Variants in TMEM132D observed in about 807,000 individuals in gnomAD.
The protein encoded by TMEM132D is mature OL transmembrane protein.
TMEM132D carries 21 observed loss-of-function variants against 62.3 expected under a neutral mutation model. The observed-to-expected ratio is 0.34, with a 90% CI of 0.24 to 0.49. The LOEUF is 0.49. TMEM132D is among the 20% of genes least tolerant of loss of function. The pLI is 0.99. For synonymous variants in TMEM132D, 621 were observed against 575.6 expected (o/e 1.08, Z -1.13); for missense variants, 1,346 against 1,402.8 (o/e 0.96, Z 0.65).
At chr12:129,841,136 C>T (rs2137344076) in intron 1 of TMEM132D, among the ~76,000 whole-genome samples, 1 of 152,302 alleles carries the variant, frequency 6.6e-6, no homozygotes, top group East Asian at 1.9e-4. Context: ...CTATATCTGA[C>T]ATGTGCGCAC....
chr12:129,348,088 C>CA (rs541462308), intron 3 of TMEM132D, among the ~76,000 whole-genome samples: 146 of 152,308 alleles, frequency 9.6e-4, no homozygotes, highest in South Asian at 7.0e-3. Flanking sequence ...GAAATAGGCA[C>CA]ACTTTTACAC....
chr12:129,261,658 A>T (rs1880552792), intron 4 of TMEM132D, among the ~76,000 whole-genome samples: 1 of 152,110 alleles, frequency 6.6e-6, no homozygotes, highest in Non-Finnish European at 1.5e-5. Context: ...AGGTGCTATC[A>T]GTGTTTCTTT....
intron 2 of TMEM132D, among the ~76,000 whole-genome samples, chr12:129,585,817 G>GCA (rs950656565): frequency 3.4e-5 from 5 of 148,902 alleles, no homozygotes; most frequent in South Asian, 2.2e-4. Context: ...ATGCATGCAT[G>GCA]TGTGTGTGTG....
Position 129,700,696 on chromosome 12 carries a change from T to C in TMEM132D, c.82A>G (p.Thr28Ala), listed in dbSNP as rs2137228099. Residue 28 changes from threonine to alanine, a missense_variant and splice_region_variant, in exon 2 of 9, where the codon ACG (threonine) becomes GCG (alanine). By Grantham distance (58) the Thr-to-Ala change is moderately conservative (BLOSUM62 0). Transcript: ENST00000422113. ...CTCTCAAGGATCCCTCGACCTTCCGTCACTGTGGGGAGGGAATCGCAGTGC... is the reference window on the plus strand; with the variant it reads ...CTCTCAAGGATCCCTCGACCTTCCGCCACTGTGGGGAGGGAATCGCAGTGC... Reference protein sequence around the residue: ...ISLAALFSKVTEGRGILESIQ... With the variant: ...ISLAALFSKVAEGRGILESIQ... The C allele has an allele frequency of 6.2e-7, 1 of 1,605,474 alleles. No homozygotes were observed. Among genetic ancestry groups the C allele is most frequent in the Non-Finnish European group, 8.5e-7 (1 of 1,175,772 alleles).
rs778332204 is a variant in TMEM132D at position 129,639,422 on chromosome 12, T to C, written c.968+60388A>G. Among the ~76,000 whole-genome samples, 2 of 148,848 alleles carry C rather than the reference T, an allele frequency of 1.3e-5. 1 individual carries two copies. Among genetic ancestry groups the C allele is most frequent in the South Asian group, 4.3e-4 (2 of 4,638 alleles). ...AAAAAAAAAAGTCAGGAAACATTTA[T>C]ATCAAATTTCAGTATGTGCATGAAC... On this transcript the variant is annotated intron_variant, in intron 2 of 8. Coordinates refer to ENST00000422113, the MANE Select transcript of TMEM132D (RefSeq NM_133448.3).
At chr12:129,901,864 C>G (rs1024007148) in intron 1 of TMEM132D, among the ~76,000 whole-genome samples, 1 of 142,208 alleles carries the variant, frequency 7.0e-6, no homozygotes, top group African/African-American at 2.7e-5. Flanking sequence ...AGAACCAACC[C>G]CCCCCGCCCC....
intron 3 of TMEM132D, among the ~76,000 whole-genome samples, chr12:129,397,524 G>A (rs911744517): frequency 7.2e-5 from 11 of 152,080 alleles, no homozygotes; most frequent in African/African-American, 2.7e-4. Flanking sequence ...TCTCTTTTGG[G>A]TCCAGATGAT....
intron 1 of TMEM132D, among the ~76,000 whole-genome samples, chr12:129,781,080 C>G (rs1046404106): frequency 6.6e-6 from 1 of 152,166 alleles, no homozygotes. Flanking sequence ...AGGAGTTATG[C>G]CATCAAAAGC....
At chr12:129,830,707 G>C (rs769501771) in intron 1 of TMEM132D, among the ~76,000 whole-genome samples, 3 of 151,946 alleles carry the variant, frequency 2.0e-5, no homozygotes, top group Non-Finnish European at 4.4e-5. Flanking sequence ...CTTAACTTTG[G>C]GAGATAAACC....
chr12:129,330,129 A>T (rs768875716), intron 4 of TMEM132D, among the ~76,000 whole-genome samples: 1 of 152,168 alleles, frequency 6.6e-6, no homozygotes, highest in Non-Finnish European at 1.5e-5. Context: ...TAACGATTAC[A>T]TGATTGTAAT....
intron 1 of TMEM132D, among the ~76,000 whole-genome samples, chr12:129,886,775 G>C (rs114918571): frequency 7.2e-4 from 109 of 152,230 alleles, no homozygotes; most frequent in Non-Finnish European, 1.3e-3. Flanking sequence ...TCGTGGAAGG[G>C]ACCCGGTGGG....
chr12:129,870,720 A>C (rs1874213757), intron 1 of TMEM132D, among the ~76,000 whole-genome samples: 1 of 152,192 alleles, frequency 6.6e-6, no homozygotes, highest in Admixed American at 6.5e-5. Flanking sequence ...TAGGAACCCC[A>C]AAATGTGTAG....
intron 1 of TMEM132D, among the ~76,000 whole-genome samples, chr12:129,858,615 A>G (rs1593189054): frequency 2.9e-5 from 1 of 34,990 alleles, no homozygotes; most frequent in Non-Finnish European, 6.0e-5. Context: ...CCCTTGTAAC[A>G]GAGTCCTGGG....
Position 129,074,299 on chromosome 12 carries a change from C to T in TMEM132D, c.2876G>A (p.Ser959Asn). 1 of 1,614,138 alleles carries T rather than the reference C, an allele frequency of 6.2e-7. No individual in the cohort carries two copies. Among genetic ancestry groups the T allele is most frequent in the South Asian group, 1.1e-5 (1 of 91,078 alleles). ...TAACCCAACCCAGTCATGAGAGTGACTCATCCCTTCCTGCTCCTCGAAGGG... is the reference window on the plus strand; with the variant it reads ...TAACCCAACCCAGTCATGAGAGTGATTCATCCCTTCCTGCTCCTCGAAGGG... ...QVPFEEQEGM[S>N]HSHDWVGLSN... The change falls in exon 9 of 9, where the codon AGT becomes AAT. Residue 959 changes from serine to asparagine, a missense_variant. Transcript: ENST00000422113.
intron 1 of TMEM132D, among the ~76,000 whole-genome samples, chr12:129,738,705 G>T (rs1455316538): frequency 6.6e-6 from 1 of 152,116 alleles, no homozygotes; most frequent in Non-Finnish European, 1.5e-5. Flanking sequence ...CAGCGATTTA[G>T]GGCCTTTTAT....
intron 3 of TMEM132D, among the ~76,000 whole-genome samples, chr12:129,363,857 C>T (rs768980357): frequency 3.3e-5 from 5 of 152,078 alleles, no homozygotes; most frequent in South Asian, 2.1e-4. Context: ...TTGGCTTTTT[C>T]GTTTTGGGTA....
intron 3 of TMEM132D, among the ~76,000 whole-genome samples, chr12:129,420,312 T>G (rs1031316830): frequency 0.2 from 12,164 of 60,966 alleles, 705 homozygotes; most frequent in East Asian, 0.32. Flanking sequence ...CTCTGTTTTT[T>G]TTTTTTTTTT....
At chr12:129,293,625 C>A (rs1426674965) in intron 4 of TMEM132D, among the ~76,000 whole-genome samples, 2 of 152,150 alleles carry the variant, frequency 1.3e-5, no homozygotes, top group Non-Finnish European at 2.9e-5. Context: ...ATGGTCCCAT[C>A]TGGGGGTGAT....
intron 3 of TMEM132D, among the ~76,000 whole-genome samples, chr12:129,484,987 C>T (rs1002444766): frequency 2.0e-5 from 3 of 152,208 alleles, no homozygotes; most frequent in African/African-American, 7.2e-5. Context: ...GGGACATGGT[C>T]ACCTGCAGCC....
Sources: gnomAD v4.1 joint callset for allele counts (sites outside exome capture counted in the v4.1 genomes callset) on GRCh38, gnomAD v4.1.1 for gene constraint, MANE v1.5 for transcripts, NCBI Gene and HGNC (gene_info 2026-07-23, HGNC 2026-07-21) for gene names.